The following SUMF1 variants were observed in gnomAD, a reference collection of about 807,000 sequenced individuals.
SUMF1 encodes sulfatase modifying factor 1.
SUMF1 carries 48 observed loss-of-function variants against 47.6 expected under a neutral mutation model. That is an observed-to-expected ratio of 1.01 (90% CI 0.80 to 1.28). The LOEUF (loss-of-function observed/expected upper bound fraction) is 1.28. SUMF1 is among the 50% of genes most tolerant of loss of function. SUMF1 has a pLI of 0.00. For synonymous variants in SUMF1, 230 were observed against 192.1 expected, an observed-to-expected ratio of 1.20 and a Z score of -1.63; for missense variants, 571 against 485.4, an observed-to-expected ratio of 1.18 and a Z score of -1.66.
At chr3:4,344,318 A>C (rs1014329424) in intron 8 of SUMF1, among the ~76,000 whole-genome samples, 4 of 152,166 alleles carry the variant, frequency 2.6e-5, no homozygotes, top group Non-Finnish European at 4.4e-5. Context: ...GAGCTCCCAG[A>C]AGGAGTAGGC....
intron 8 of SUMF1, among the ~76,000 whole-genome samples, chr3:4,172,517 G>T (rs918113405): frequency 1.3e-5 from 2 of 152,112 alleles, no homozygotes; most frequent in Admixed American, 6.5e-5. Context: ...AACTCTATAA[G>T]AAAGGTAAGA....
intron 7 of SUMF1, among the ~76,000 whole-genome samples, chr3:4,391,828 TTTC>T (rs1425987357): frequency 7.6e-6 from 1 of 131,860 alleles, no homozygotes; most frequent in Non-Finnish European, 1.7e-5. Context: ...TTTCTTTTCT[TTTC>T]TTTTTTTTTT....
chr3:4,186,301 G>A (rs188224590), intron 8 of SUMF1, among the ~76,000 whole-genome samples: 1 of 152,216 alleles, frequency 6.6e-6, no homozygotes, highest in East Asian at 1.9e-4. Flanking sequence ...TGTATTTGGA[G>A]GTTCAATCCT....
At chr3:4,374,761 A>G (rs1700270960) in intron 8 of SUMF1, among the ~76,000 whole-genome samples, 1 of 152,244 alleles carries the variant, frequency 6.6e-6, no homozygotes, top group Non-Finnish European at 1.5e-5. Context: ...CATTTGTAGC[A>G]ATAACTTCAA....
chr3:4,231,307 G>C (rs867958052), intron 8 of SUMF1, among the ~76,000 whole-genome samples: 1 of 152,100 alleles, frequency 6.6e-6, no homozygotes, highest in African/African-American at 2.4e-5. Flanking sequence ...AATGAAATGA[G>C]ATCATTGTAC....
intron 8 of SUMF1, among the ~76,000 whole-genome samples, chr3:4,092,102 A>G (rs1692801683): frequency 6.6e-6 from 1 of 152,050 alleles, no homozygotes; most frequent in Non-Finnish European, 1.5e-5. Context: ...TGTATAGGCC[A>G]ACTATCAACA....
chr3:4,313,306 G>A lies in SUMF1; in HGVS notation c.1014+63024C>T, dbSNP rs771690516. The stretch of plus-strand genomic sequence containing the variant: ...AAGAATTCACTTACAAACAAAATCC[G>A]ACTCCAATTACATTATAGCCATCAG... On this transcript the variant is annotated intron_variant and NMD_transcript_variant, in intron 8 of 12. Coordinates refer to the SUMF1 transcript ENST00000448413. The A allele has an allele frequency of 1.1e-5, 17 of 1,613,814 alleles. No homozygotes were observed. The highest frequency in any genetic ancestry group is 3.3e-4 in the Middle Eastern group (2 of 6,082).
intron 9 of SUMF1, among the ~76,000 whole-genome samples, chr3:4,066,657 C>G (rs1227354050): frequency 6.6e-6 from 1 of 152,102 alleles, no homozygotes; most frequent in Non-Finnish European, 1.5e-5. Flanking sequence ...TATATACACC[C>G]CCAACCCCAT....
intron 8 of SUMF1, among the ~76,000 whole-genome samples, chr3:4,325,983 G>A (rs1176921035): frequency 6.6e-6 from 1 of 152,112 alleles, no homozygotes; most frequent in African/African-American, 2.4e-5. Flanking sequence ...CACCATGCCT[G>A]GCTGATTTCT....
intron 7 of SUMF1, among the ~76,000 whole-genome samples, chr3:4,405,953 AC>A (rs1437347743): frequency 3.3e-5 from 5 of 152,200 alleles, no homozygotes; most frequent in Non-Finnish European, 7.3e-5. Flanking sequence ...TGATAAGCCA[AC>A]AAAAGGTAAG....
At chr3:4,145,652 C>G (rs940424008) in intron 8 of SUMF1, among the ~76,000 whole-genome samples, 1 of 152,078 alleles carries the variant, frequency 6.6e-6, no homozygotes, top group Admixed American at 6.6e-5. Flanking sequence ...TGCCATAAGC[C>G]TCCTTTGACT....
chr3:4,464,170 A>G (rs966803559), intron 1 of SUMF1, among the ~76,000 whole-genome samples: 9 of 152,220 alleles, frequency 5.9e-5, no homozygotes, highest in African/African-American at 1.9e-4. Context: ...CATTTCCACA[A>G]TGTGCCATGT....
intron 8 of SUMF1, among the ~76,000 whole-genome samples, chr3:4,323,435 T>C (rs1698878782): frequency 6.6e-6 from 1 of 152,206 alleles, no homozygotes; most frequent in Non-Finnish European, 1.5e-5. Context: ...ATGGTTTCTT[T>C]TGGGGGTAAT....
intron 7 of SUMF1, among the ~76,000 whole-genome samples, chr3:4,394,423 G>C (rs1336126018): frequency 6.6e-6 from 1 of 152,100 alleles, no homozygotes; most frequent in Non-Finnish European, 1.5e-5. Context: ...CTCCCAAAGT[G>C]TTGGGATTAT....
At chr3:4,038,344 G>A (rs554613941) in intron 9 of SUMF1, among the ~76,000 whole-genome samples, 5 of 152,136 alleles carry the variant, frequency 3.3e-5, no homozygotes, top group Non-Finnish European at 7.3e-5. Flanking sequence ...GAGTCTGTGG[G>A]AGAAGGACTG....
intron 8 of SUMF1, among the ~76,000 whole-genome samples, chr3:4,264,544 A>C (rs1320307354): frequency 6.6e-6 from 1 of 152,088 alleles, no homozygotes; most frequent in Non-Finnish European, 1.5e-5. Context: ...AAAGGCACAC[A>C]TTTTATTTTT....
chr3:4,261,778 G>A (rs573822807), intron 8 of SUMF1, among the ~76,000 whole-genome samples: 31 of 152,276 alleles, frequency 2.0e-4, no homozygotes, highest in African/African-American at 5.3e-4. Flanking sequence ...CAGCATCAGT[G>A]CCACGTACAG....
At chr3:4,215,658 C>A (rs2200396) in intron 8 of SUMF1, among the ~76,000 whole-genome samples, 90,229 of 151,926 alleles carry the variant, frequency 0.59, 26,971 homozygotes, top group South Asian at 0.69. Context: ...TAGTCTCAGC[C>A]CAAAATCTCC....
chr3:4,303,976 G>T (rs745355568), intron 8 of SUMF1: 6 of 710,794 alleles, frequency 8.4e-6, no homozygotes, highest in African/African-American at 1.9e-5. Context: ...TGGGCTCTTG[G>T]GCGAGTGTAA....
Sources: allele counts gnomAD v4.1 joint callset (sites outside exome capture counted in the v4.1 genomes callset), GRCh38; gene constraint gnomAD v4.1.1; transcripts MANE v1.5; gene names NCBI Gene and HGNC (gene_info 2026-07-23, HGNC 2026-07-21).